Variants in RIPK4 observed in about 807,000 individuals in gnomAD.
RIPK4 encodes receptor interacting serine/threonine kinase 4.
Under a neutral mutation model 42.9 loss-of-function variants are expected in RIPK4, and 17 were observed. The observed-to-expected ratio is 0.40, with a 90% CI of 0.27 to 0.59. RIPK4 has a LOEUF of 0.59. RIPK4 is among the 20% of genes least tolerant of loss of function. The pLI, the probability that RIPK4 is intolerant of heterozygous loss-of-function variation, is 0.47. For missense variants in RIPK4, 897 were observed against 1,104.4 expected (o/e 0.81, Z 2.66); for synonymous variants, 498 against 499.1 (o/e 1.00, Z 0.03).
At chr21:41,762,735 A>C (rs961764853) in intron 1 of RIPK4, among the ~76,000 whole-genome samples, 1 of 151,940 alleles carries the variant, frequency 6.6e-6, no homozygotes, top group African/African-American at 2.4e-5. Context: ...TATTTTAATG[A>C]TTCTGGCTTA....
chr21:41,753,333 C>T (rs1265823566), intron 2 of RIPK4, among the ~76,000 whole-genome samples: 1 of 152,240 alleles, frequency 6.6e-6, no homozygotes, highest in Non-Finnish European at 1.5e-5. Flanking sequence ...GGTGCTTCCC[C>T]AGGCCTGCAG....
intron 1 of RIPK4, among the ~76,000 whole-genome samples, chr21:41,762,716 TTTCTGGCTTATTTTAATGA>T (rs1379702155): frequency 2.0e-5 from 3 of 152,100 alleles, no homozygotes; most frequent in Non-Finnish European, 4.4e-5. Context: ...CTAAGCAGTG[TTTCTGGCTTATTTTAATGA>T]TTCTGGCTTA....
At chr21:41,744,376 G>C (rs571058063) in intron 6 of RIPK4, among the ~76,000 whole-genome samples, 1 of 150,812 alleles carries the variant, frequency 6.6e-6, no homozygotes, top group Non-Finnish European at 1.5e-5. Context: ...CAGACCCCGC[G>C]CCCGCACAGT....
At position 41,741,909 on chromosome 21, in the gene RIPK4, C is replaced by T. The variant is rs770962937; in HGVS notation, c.1284G>A (p.Pro428=). 2.7e-5 allele frequency: 44 copies of T among 1,613,404 alleles called. No individual in the cohort carries two copies. Among genetic ancestry groups the T allele is most frequent in the East Asian group, 2.5e-4 (11 of 44,882 alleles). The change falls in exon 8 of 8, where the codon CCG becomes CCA. Residue 428 remains proline (P), a synonymous_variant. Coordinates refer to ENST00000332512, the MANE Select transcript of RIPK4 (RefSeq NM_020639.3). ...DTSKLMKILQ[P]QDVDLALDSG... The stretch of plus-strand genomic sequence containing the variant: ...TGTCCAGTGCCAGGTCCACGTCCTG[C>T]GGCTGCAGGATCTTCATCAGTTTGC...
intron 1 of RIPK4, among the ~76,000 whole-genome samples, chr21:41,761,972 C>A (rs1019283936): frequency 6.6e-6 from 1 of 152,144 alleles, no homozygotes; most frequent in Admixed American, 6.5e-5. Context: ...TTCTGCAGAA[C>A]GGAGACCCCA....
At chr21:41,749,331 A>G (rs1455855754) in intron 3 of RIPK4, 128 bp from the exon 4 acceptor site, 17 of 849,962 alleles carry the variant, frequency 2.0e-5, no homozygotes, top group Non-Finnish European at 2.7e-5. Context: ...TGACACCGAG[A>G]TATTTCTCCT....
Position 41,757,998 on chromosome 21 carries a change from C to CCAAAAAA in RIPK4, c.183-1183_183-1182insTTTTTTG, listed in dbSNP as rs1479763213. On this transcript the variant is annotated intron_variant, in intron 1 of 7. Transcript: ENST00000332512. ...TGGGCGACACAGAGAGACTCCATAA[C>CCAAAAAA]AAAAAAAAAAAAAAAAAAAAAAAAT... Among the ~76,000 whole-genome samples, 18 of 13,070 alleles carry CCAAAAAA rather than the reference C, an allele frequency of 1.4e-3. 1 individual carries two copies. The highest frequency in any genetic ancestry group is 2.9e-3 in the Admixed American group (2 of 682). The allele number at this position is 13,070 out of a possible 152,430, so 8.6% of individuals were successfully genotyped here.
intron 1 of RIPK4, 83 bp downstream of exon 1, chr21:41,766,777 G>A (rs2061238446): frequency 2.1e-6 from 3 of 1,415,114 alleles, no homozygotes. Context: ...GGGAGAGAGA[G>A]GCAGGACCCC....
chr21:41,749,508 G>A (rs1038307091), intron 3 of RIPK4, among the ~76,000 whole-genome samples: 3 of 152,196 alleles, frequency 2.0e-5, no homozygotes, highest in Non-Finnish European at 2.9e-5. Flanking sequence ...GGGGAACAGC[G>A]CCTGTGTGCC....
At chr21:41,753,638 G>A (rs2061194950) in intron 2 of RIPK4, among the ~76,000 whole-genome samples, 2 of 152,160 alleles carry the variant, frequency 1.3e-5, no homozygotes, top group South Asian at 2.1e-4. Context: ...TGCTTCAAGA[G>A]TTACAAACAC....
intron 1 of RIPK4, among the ~76,000 whole-genome samples, chr21:41,761,260 T>C (rs939584829): frequency 6.6e-6 from 1 of 152,212 alleles, no homozygotes; most frequent in African/African-American, 2.4e-5. Flanking sequence ...GCTCCCAGCC[T>C]TTCTCCTCCT....
chr21:41,764,752 A>C (rs999082313), intron 1 of RIPK4, among the ~76,000 whole-genome samples: 9 of 152,236 alleles, frequency 5.9e-5, no homozygotes, highest in Non-Finnish European at 8.8e-5. Context: ...AATACAGTCA[A>C]TAATTAACCT....
chr21:41,750,627 G>A (rs1210765327), intron 3 of RIPK4, among the ~76,000 whole-genome samples: 1 of 152,148 alleles, frequency 6.6e-6, no homozygotes, highest in Non-Finnish European at 1.5e-5. Context: ...TCACAGCAAA[G>A]AAATCCCTGA....
intron 3 of RIPK4, among the ~76,000 whole-genome samples, chr21:41,749,962 T>G (rs1413127270): frequency 2.0e-5 from 3 of 146,460 alleles, no homozygotes; most frequent in Non-Finnish European, 4.5e-5. Context: ...ACTGAGTTGG[T>G]GAGGGCTGTT....
chr21:41,746,868 G>A (rs774484584), intron 4 of RIPK4, 97 bp from the exon 5 acceptor site: 10 of 1,390,582 alleles, frequency 7.2e-6, no homozygotes, highest in Middle Eastern at 1.9e-4. Flanking sequence ...GGCCACAATG[G>A]GGCCATCCCC....
chr21:41,757,243 G>C (rs572359241), intron 1 of RIPK4, among the ~76,000 whole-genome samples: 4 of 152,144 alleles, frequency 2.6e-5, no homozygotes, highest in African/African-American at 4.8e-5. Context: ...CAACTAGGCC[G>C]GGCACGGTGG....
intron 1 of RIPK4, among the ~76,000 whole-genome samples, chr21:41,762,515 C>T (rs2061223771): frequency 6.6e-6 from 1 of 152,222 alleles, no homozygotes; most frequent in South Asian, 2.1e-4. Context: ...AGCTCCAGCC[C>T]TTCTGGGGTC....
intron 4 of RIPK4, 125 bp from the exon 5 acceptor site, chr21:41,746,896 C>T (rs1046115040): frequency 5.9e-5 from 64 of 1,077,948 alleles, no homozygotes; most frequent in African/African-American, 1.8e-4. Flanking sequence ...CCCAGGGAGA[C>T]GGCTCCCCCA....
chr21:41,766,317 C>G (rs571546050), intron 1 of RIPK4, among the ~76,000 whole-genome samples: 1 of 152,370 alleles, frequency 6.6e-6, no homozygotes, highest in East Asian at 1.9e-4. Flanking sequence ...TAATTACAGT[C>G]TTACACCAAT....
Sources: gnomAD v4.1 joint callset for allele counts (sites outside exome capture counted in the v4.1 genomes callset) on GRCh38, gnomAD v4.1.1 for gene constraint, MANE v1.5 for transcripts, NCBI Gene and HGNC (gene_info 2026-07-23, HGNC 2026-07-21) for gene names.